MRPS23: variants seen among roughly 807,000 people sequenced by gnomAD.
The protein encoded by MRPS23 is small ribosomal subunit protein mS23.
A neutral mutation model predicts 19.8 loss-of-function variants in MRPS23; 14 were observed. The ratio of observed to expected loss-of-function variants is 0.71; its 90% CI spans 0.47 to 1.11. The LOEUF (loss-of-function observed/expected upper bound fraction) is 1.11. Among genes scored for constraint, MRPS23 ranks in the 50% least tolerant of loss-of-function variants. The pLI, the probability that MRPS23 is intolerant of heterozygous loss-of-function variation, is 0.00. For synonymous variants in MRPS23, 113 were observed against 89.7 expected (o/e 1.26, Z -1.47); for missense variants, 242 against 236.7 (o/e 1.02, Z -0.15).
chr17:57,838,935 T>G lies in MRPS23; in HGVS notation c.*848A>C, dbSNP rs1231166844. On this transcript the variant is annotated 3_prime_UTR_variant, in exon 5 of 5. Transcript: ENST00000313608. Reference sequence around the variant, plus strand: ...TACAAAGGCTGCAATCTCAGAGGGATATTTCATGTATTTAGTAAAACCTGG... The same window carrying G: ...TACAAAGGCTGCAATCTCAGAGGGAGATTTCATGTATTTAGTAAAACCTGG... The G allele has an allele frequency of 6.6e-6, 1 of 152,238 alleles. No homozygotes were observed. Among genetic ancestry groups the G allele is most frequent in the South Asian group, 2.1e-4 (1 of 4,834 alleles). The allele number at this position is 152,238 out of a possible 1,614,324, so 9.4% of individuals were successfully genotyped here.
chr17:57,840,766 G>A (rs1411594141), intron 4 of MRPS23, 160 bp downstream of exon 4: 2 of 734,810 alleles, frequency 2.7e-6, no homozygotes, highest in Non-Finnish European at 4.3e-6. Flanking sequence ...AAAGTATATG[G>A]GAGGATATGT....
rs2073712256 is a variant in MRPS23, at chr17:57,837,458, T to C, written c.*2325A>G. ...CAGTGGATCTCTGAGACATAGTAACTAGAAAAGCAAGGTACAGAACAGTAT... is the reference window on the plus strand; with the variant it reads ...CAGTGGATCTCTGAGACATAGTAACCAGAAAAGCAAGGTACAGAACAGTAT... On this transcript the variant is annotated 3_prime_UTR_variant, in exon 5 of 5. Coordinates refer to ENST00000313608, the MANE Select transcript of MRPS23 (RefSeq NM_016070.4). The C allele has an allele frequency of 1.3e-5, 2 of 152,156 alleles. No homozygotes were observed. The highest frequency in any genetic ancestry group is 4.8e-5 in the African/African-American group (2 of 41,434). 9.4% of individuals were successfully genotyped at this position (152,156 alleles called of 1,614,324 possible).
chr17:57,845,190 C>T (rs1046621864), intron 2 of MRPS23, among the ~76,000 whole-genome samples: 1 of 152,152 alleles, frequency 6.6e-6, no homozygotes, highest in Non-Finnish European at 1.5e-5. Context: ...GAGCAAAGCA[C>T]AAATGATTTT....
In MRPS23 at chr17:57,836,114, C is replaced by T. The variant is rs2073702953; in HGVS notation, c.*3669G>A. ...GGATTACAGGAGGCTGCCACCACAT[C>T]CAGCTAACTTTTGTATTTTTAGTAG... On this transcript the variant is annotated 3_prime_UTR_variant, in exon 5 of 5. Transcript: ENST00000313608. The T allele has an allele frequency of 6.6e-6, 1 of 152,042 alleles. No homozygotes were observed. The highest frequency in any genetic ancestry group is 1.5e-5 in the Non-Finnish European group (1 of 68,026). The allele number at this position is 152,042 out of a possible 1,614,324, so 9.4% of individuals were successfully genotyped here. A position where few individuals can be genotyped will look rare whatever the true frequency, so the allele number is the denominator to read the frequency against.
chr17:57,842,885 TATATATACACAC>T lies in MRPS23; in HGVS notation c.216-1637_216-1626del, dbSNP rs1351319099. The stretch of plus-strand genomic sequence containing the variant: ...TCTCTAAAAAAAAAAAAAAAATATA[TATATATACACAC>T]ACACACACACACACACACACACACA... On this transcript the variant is annotated intron_variant, in intron 2 of 4. Coordinates refer to ENST00000313608, the MANE Select transcript of MRPS23 (RefSeq NM_016070.4). Among the ~76,000 whole-genome samples the T allele has an allele frequency of 9.0e-3, 982 of 109,324 alleles. 14 individuals are homozygous for T. Among genetic ancestry groups the T allele is most frequent in the African/African-American group, 0.032 (887 of 27,404 alleles). The allele number at this position is 109,324 out of a possible 152,430, so 71.7% of individuals were successfully genotyped here.
At chr17:57,840,529 G>T (rs914575326) in intron 4 of MRPS23, among the ~76,000 whole-genome samples, 1 of 152,140 alleles carries the variant, frequency 6.6e-6, no homozygotes, top group Non-Finnish European at 1.5e-5. Context: ...CATAAGCCAA[G>T]GTTAGGGAAA....
intron 2 of MRPS23, 103 bp from the exon 3 acceptor site, chr17:57,841,363 T>A: frequency 8.1e-7 from 1 of 1,236,160 alleles, no homozygotes; most frequent in Non-Finnish European, 1.2e-6. Context: ...AGGAGTTAAG[T>A]ACGGTATAAC....
chr17:57,848,915 G>A (rs2586044), intron 2 of MRPS23: 207,466 of 210,312 alleles, frequency 0.99, 102,399 homozygotes, highest in East Asian at 1. Context: ...AAACAAGAAT[G>A]CCTTCCTTAC....
At chr17:57,841,116 A>G (rs2073737523) in intron 3 of MRPS23, 64 bp from the exon 4 acceptor site, 1 of 1,610,164 alleles carries the variant, frequency 6.2e-7, no homozygotes. Flanking sequence ...CTGTTACACA[A>G]TATCAAATGG....
At chr17:57,846,785 C>A (rs190047271) in intron 2 of MRPS23, among the ~76,000 whole-genome samples, 1 of 152,032 alleles carries the variant, frequency 6.6e-6, no homozygotes, top group Non-Finnish European at 1.5e-5. Context: ...TGCGGAAGAA[C>A]GCAGGGACCT....
intron 4 of MRPS23, 88 bp downstream of exon 4, chr17:57,840,838 G>A: frequency 6.6e-7 from 1 of 1,509,646 alleles, no homozygotes; most frequent in Non-Finnish European, 8.9e-7. Context: ...GTGAATATTG[G>A]TATCTGCAGG....
intron 2 of MRPS23, 99 bp from the exon 3 acceptor site, chr17:57,841,359 T>G: frequency 1.6e-6 from 2 of 1,261,806 alleles, no homozygotes; most frequent in Admixed American, 2.0e-5. Context: ...ACTGAGGAGT[T>G]AAGTACGGTA....
rs934692827 is a variant in MRPS23 at position 57,840,382 on chromosome 17, G to A, written c.421-447C>T. ...AGCCTGGGTGACAGAGCGAGACTCC[G>A]TCTCAAAAAAAAAAAAAAAAGTCTA... On this transcript the variant is annotated intron_variant, in intron 4 of 4. Coordinates refer to ENST00000313608, the MANE Select transcript of MRPS23 (RefSeq NM_016070.4). 6.8e-4 allele frequency among the ~76,000 whole-genome samples: 72 copies of A among 105,142 alleles called. 1 individual carries two copies. The highest frequency in any genetic ancestry group is 5.2e-3 in the Admixed American group (50 of 9,682). The allele number at this position is 105,142 out of a possible 152,430, so 69.0% of individuals were successfully genotyped here.
intron 2 of MRPS23, among the ~76,000 whole-genome samples, chr17:57,846,709 GAA>G (rs2073778241): frequency 6.6e-6 from 1 of 152,060 alleles, no homozygotes; most frequent in Non-Finnish European, 1.5e-5. Flanking sequence ...ACAGATGCTT[GAA>G]GGCAGCATGC....
chr17:57,849,860 G>C (rs955416173), intron 1 of MRPS23, 107 bp downstream of exon 1: 9 of 1,356,752 alleles, frequency 6.6e-6, no homozygotes, highest in Non-Finnish European at 9.0e-6. Flanking sequence ...CCCGCACCCT[G>C]CAATACGCCT....
rs11304363 is a variant in MRPS23 at position 57,835,952 on chromosome 17, C to CTTTTT, written c.*3826_*3830dup. The CTTTTT allele has an allele frequency of 6.7e-5, 9 of 135,256 alleles. 3 individuals are homozygous for CTTTTT. Among genetic ancestry groups the CTTTTT allele is most frequent in the African/African-American group, 8.1e-5 (3 of 37,018 alleles). 8.4% of individuals were successfully genotyped at this position (135,256 alleles called of 1,614,324 possible). A position where few individuals can be genotyped will look rare whatever the true frequency, so the allele number is the denominator to read the frequency against. ...ATAAGAATTTCTGCCCTCCTTTATA[C>CTTTTT]TTTTTTTTTTTTTTTTTTTGAGACA... On this transcript the variant is annotated 3_prime_UTR_variant, in exon 5 of 5. Coordinates refer to ENST00000313608, the MANE Select transcript of MRPS23 (RefSeq NM_016070.4).
intron 2 of MRPS23, among the ~76,000 whole-genome samples, chr17:57,844,561 A>G (rs959416935): frequency 1.3e-5 from 2 of 151,014 alleles, no homozygotes; most frequent in African/African-American, 4.9e-5. Context: ...GAAGTTCAAG[A>G]CCAGCCTGGC....
rs891242690 is a variant in MRPS23 at position 57,837,082 on chromosome 17, C to G, written c.*2701G>C. Reference sequence around the variant, plus strand: ...TTTTGCCCAAACTGTGGAAATAGTTCTGAGTTTCCAAAGTAAGCTTCATAT... The same window carrying G: ...TTTTGCCCAAACTGTGGAAATAGTTGTGAGTTTCCAAAGTAAGCTTCATAT... On this transcript the variant is annotated 3_prime_UTR_variant, in exon 5 of 5. Transcript: ENST00000313608. 1 of 152,188 alleles carries G rather than the reference C, an allele frequency of 6.6e-6. No individual in the cohort carries two copies. Among genetic ancestry groups the G allele is most frequent in the Admixed American group, 6.5e-5 (1 of 15,282 alleles). 9.4% of individuals were successfully genotyped at this position (152,188 alleles called of 1,614,324 possible).
At chr17:57,848,144 A>G (rs1311454728) in intron 2 of MRPS23, among the ~76,000 whole-genome samples, 1 of 152,058 alleles carries the variant, frequency 6.6e-6, no homozygotes, top group African/African-American at 2.4e-5. Context: ...GGGTGGTCTC[A>G]AACTCCTGGG....
Sources: allele counts gnomAD v4.1 joint callset (sites outside exome capture counted in the v4.1 genomes callset), GRCh38; gene constraint gnomAD v4.1.1; transcripts MANE v1.5; gene names NCBI Gene and HGNC (gene_info 2026-07-23, HGNC 2026-07-21).